Variants in AUTS2 observed in about 807,000 individuals in gnomAD.
The protein encoded by AUTS2 is activator of transcription and developmental regulator AUTS2.
AUTS2 carries 17 observed loss-of-function variants against 112.4 expected under a neutral mutation model. That is an observed-to-expected ratio of 0.15 (90% CI 0.10 to 0.23). The LOEUF (loss-of-function observed/expected upper bound fraction) is 0.23. Among genes scored for constraint, AUTS2 ranks in the 10% least tolerant of loss-of-function variants. AUTS2 has a pLI of 1.00. For missense variants in AUTS2, 1,510 were observed against 1,701.6 expected (o/e 0.89, Z 1.98); for synonymous variants, 751 against 702.7 (o/e 1.07, Z -1.09).
At chr7:70,673,363 T>C (rs1473955156) in intron 5 of AUTS2, among the ~76,000 whole-genome samples, 5 of 137,760 alleles carry the variant, frequency 3.6e-5, no homozygotes, top group African/African-American at 1.3e-4. Flanking sequence ...ATTGTCTTTT[T>C]TTTTCTTTTC....
intron 4 of AUTS2, among the ~76,000 whole-genome samples, chr7:70,296,506 T>A (rs958254649): frequency 6.6e-6 from 1 of 152,216 alleles, no homozygotes; most frequent in Admixed American, 6.5e-5. Flanking sequence ...TACGTACAGT[T>A]TTGTGTCCTG....
At chr7:69,876,912 T>C (rs1483830762) in intron 1 of AUTS2, among the ~76,000 whole-genome samples, 1 of 152,100 alleles carries the variant, frequency 6.6e-6, no homozygotes, top group East Asian at 1.9e-4. Flanking sequence ...TGATGTTTTG[T>C]TGAGTGAAGT....
rs115275242 is a variant in AUTS2, at chr7:70,059,739, G to A, written c.523-58393G>A. Among the ~76,000 whole-genome samples, 433 of 152,124 alleles carry A rather than the reference G, an allele frequency of 2.8e-3. 1 individual carries two copies. The highest frequency in any genetic ancestry group is 9.6e-3 in the African/African-American group (397 of 41,514). On this transcript the variant is annotated intron_variant, in intron 2 of 18. Transcript: ENST00000342771. ...TGTAGGAACACGGTGTTATGTTTTC[G>A]ATGCCTTCGATGCTAGGCTAAAGAA...
At chr7:69,899,087 A>T (rs1794865147) in intron 1 of AUTS2, among the ~76,000 whole-genome samples, 199 bp from the exon 2 acceptor site, 1 of 152,030 alleles carries the variant, frequency 6.6e-6, no homozygotes, top group Non-Finnish European at 1.5e-5. Context: ...AATAGAAAGG[A>T]TATATATATT....
At chr7:70,773,227 A>T (rs1020042196) in intron 11 of AUTS2, among the ~76,000 whole-genome samples, 1 of 151,530 alleles carries the variant, frequency 6.6e-6, no homozygotes, top group Non-Finnish European at 1.5e-5. Context: ...CCTTTTCCCC[A>T]CGAGTTTAAC....
intron 6 of AUTS2, among the ~76,000 whole-genome samples, chr7:70,730,218 T>G (rs751110152): frequency 4.8e-5 from 4 of 83,100 alleles, no homozygotes; most frequent in Non-Finnish European, 7.3e-5. Flanking sequence ...GGACAACCAG[T>G]TTTTTTTTTT....
intron 4 of AUTS2, among the ~76,000 whole-genome samples, chr7:70,423,240 T>C (rs1437243213): frequency 6.6e-6 from 1 of 152,214 alleles, no homozygotes; most frequent in Non-Finnish European, 1.5e-5. Flanking sequence ...TGCAGTTACC[T>C]CTGGGAATTT....
intron 2 of AUTS2, among the ~76,000 whole-genome samples, chr7:69,939,247 A>AT (rs1282271968): frequency 6.6e-6 from 1 of 152,030 alleles, no homozygotes; most frequent in East Asian, 1.9e-4. Flanking sequence ...AAATTCAATC[A>AT]TTTTTTTCTC....
chr7:69,840,729 T>C (rs1791941048), intron 1 of AUTS2, among the ~76,000 whole-genome samples: 1 of 152,188 alleles, frequency 6.6e-6, no homozygotes, highest in Non-Finnish European at 1.5e-5. Flanking sequence ...GTGACTATGA[T>C]GTCAACTTCT....
At chr7:69,998,360 A>T (rs921304223) in intron 2 of AUTS2, among the ~76,000 whole-genome samples, 2 of 144,876 alleles carry the variant, frequency 1.4e-5, no homozygotes, top group Admixed American at 6.9e-5. Context: ...TATTCACATT[A>T]AAAAAAAAAA....
chr7:70,399,072 G>A (rs1223093596), intron 4 of AUTS2, among the ~76,000 whole-genome samples: 1 of 146,702 alleles, frequency 6.8e-6, no homozygotes, highest in Non-Finnish European at 1.5e-5. Flanking sequence ...CTGCCTCCTT[G>A]AACTCCTGGG....
chr7:70,418,440 G>T (rs573630754), intron 4 of AUTS2, among the ~76,000 whole-genome samples: 65 of 152,326 alleles, frequency 4.3e-4, no homozygotes, highest in South Asian at 1.0e-3. Flanking sequence ...CAAAGTCACA[G>T]TAAGGTGCAG....
chr7:70,154,325 A>C (rs536538314), intron 4 of AUTS2, among the ~76,000 whole-genome samples: 1 of 152,088 alleles, frequency 6.6e-6, no homozygotes, highest in East Asian at 1.9e-4. Context: ...GGGAAAAATA[A>C]TTTTTTCCTT....
At chr7:69,690,106 G>T (rs558433594) in intron 1 of AUTS2, among the ~76,000 whole-genome samples, 1 of 152,036 alleles carries the variant, frequency 6.6e-6, no homozygotes, top group African/African-American at 2.4e-5. Flanking sequence ...TACTTTTTTG[G>T]TCTGTTACTG....
intron 4 of AUTS2, among the ~76,000 whole-genome samples, chr7:70,153,094 A>C (rs890462967): frequency 6.6e-6 from 1 of 152,208 alleles, no homozygotes; most frequent in Non-Finnish European, 1.5e-5. Context: ...AAAAGAAAGC[A>C]CATGTCCATA....
In AUTS2 at chr7:70,678,095, AAATAAT is replaced by A. The variant is rs922394331; in HGVS notation, c.691-20461_691-20456del. ...AGATTCTGCCTCAAAAAAAATTAAT[AAATAAT>A]AATAATAATAATTTTAGTAGGTTCT... is the stretch of plus-strand genomic sequence containing the variant. On this transcript the variant is annotated intron_variant, in intron 5 of 18. Coordinates refer to ENST00000342771, the MANE Select transcript of AUTS2 (RefSeq NM_015570.4). Among the ~76,000 whole-genome samples, 136 of 151,978 alleles carry A rather than the reference AAATAAT, an allele frequency of 8.9e-4. 1 individual carries two copies. Among genetic ancestry groups the A allele is most frequent in the African/African-American group, 3.1e-3 (129 of 41,440 alleles).
intron 2 of AUTS2, among the ~76,000 whole-genome samples, chr7:70,108,501 A>G (rs933459278): frequency 6.6e-6 from 1 of 152,054 alleles, no homozygotes; most frequent in Admixed American, 6.5e-5. Context: ...GGCTAATCTT[A>G]CTTCCTCTAT....
intron 1 of AUTS2, among the ~76,000 whole-genome samples, chr7:69,857,479 C>G (rs1437491627): frequency 6.6e-6 from 1 of 152,180 alleles, no homozygotes; most frequent in Non-Finnish European, 1.5e-5. Flanking sequence ...ATATTTTCTT[C>G]TTACTGATAA....
chr7:70,289,211 G>T (rs2129611677), intron 4 of AUTS2, among the ~76,000 whole-genome samples: 1 of 152,348 alleles, frequency 6.6e-6, no homozygotes, highest in South Asian at 2.1e-4. Context: ...TAACATGTGT[G>T]ATTGCCATGG....
Sources: allele counts gnomAD v4.1 joint callset (sites outside exome capture counted in the v4.1 genomes callset), GRCh38; gene constraint gnomAD v4.1.1; transcripts MANE v1.5; gene names NCBI Gene and HGNC (gene_info 2026-07-23, HGNC 2026-07-21).